Variants in ZDHHC11B observed in about 807,000 individuals in gnomAD.
ZDHHC11B encodes the protein probable palmitoyltransferase ZDHHC11B.
Under a neutral mutation model 42.3 loss-of-function variants are expected in ZDHHC11B, and 17 were observed. That is an observed-to-expected ratio of 0.40 (90% CI 0.27 to 0.60). The LOEUF is 0.60. ZDHHC11B is among the 20% of genes least tolerant of loss of function. ZDHHC11B has a pLI of 0.41. For missense variants in ZDHHC11B, 262 were observed against 463.2 expected, an observed-to-expected ratio of 0.57 and a Z score of 3.99; for synonymous variants, 123 against 193.5, an observed-to-expected ratio of 0.64 and a Z score of 3.02.
At chr5:760,844 G>A (rs556191950) in intron 4 of ZDHHC11B, among the ~76,000 whole-genome samples, 37 of 148,524 alleles carry the variant, frequency 2.5e-4, no homozygotes, top group South Asian at 1.4e-3. Flanking sequence ...GAACCGCTGC[G>A]TCCCCACCTA....
At chr5:726,424 A>C (rs1357043617) in intron 12 of ZDHHC11B, among the ~76,000 whole-genome samples, 1 of 147,616 alleles carries the variant, frequency 6.8e-6, no homozygotes, top group African/African-American at 2.5e-5. Context: ...CGCCTGTTGC[A>C]TCTAGAGGCT....
intron 1 of ZDHHC11B, among the ~76,000 whole-genome samples, chr5:780,884 G>C (rs1360518795): frequency 6.6e-6 from 1 of 151,714 alleles, no homozygotes; most frequent in Non-Finnish European, 1.5e-5. Flanking sequence ...GCGGGGGCCG[G>C]TGTGCGCAGG....
chr5:730,501 T>C, intron 11 of ZDHHC11B, 33 bp from the exon 12 acceptor site: 2 of 1,548,274 alleles, frequency 1.3e-6, no homozygotes, highest in Middle Eastern at 1.7e-4. Context: ...ATTCTTAGGA[T>C]GAACAAAGAC....
rs1371003665 is a variant in ZDHHC11B, at chr5:759,103, GAGTAAGTGTCTCCCTTTCATC to G, written c.223-2980_223-2960del. On this transcript the variant is annotated intron_variant, in intron 4 of 13. Coordinates refer to ENST00000508859, the MANE Select transcript of ZDHHC11B (RefSeq NM_001351303.2). ...TGAGCAATAAAAAGTAAAAGAAGTAGAGTAAGTGTCTCCCTTTCATCACCCAAACTGCCTGCCCTCTGGAAG... is the reference window on the plus strand; with the variant it reads ...TGAGCAATAAAAAGTAAAAGAAGTAGACCCAAACTGCCTGCCCTCTGGAAG... 2.4e-4 allele frequency among the ~76,000 whole-genome samples: 37 copies of G among 152,046 alleles called. 3 individuals are homozygous for G. In the South Asian group the frequency reaches 7.3e-3, roughly 30 times the overall value.
chr5:733,834 T>C lies in ZDHHC11B; in HGVS notation c.941A>G (p.Lys314Arg), dbSNP rs746810837. The C allele has an allele frequency of 3.1e-6, 5 of 1,606,684 alleles. No homozygotes were observed. The South Asian group carries it at 3.3e-5, about 11-fold the overall frequency. ...GALGSSAQGV[K>R]AKSSLLIYKC... Reference sequence around the variant, plus strand: ...GTAAATCAGCAGGGAGCTCTTGGCCTTGACTCTGGTGGGACAGGAAGGAGG... The same window carrying C: ...GTAAATCAGCAGGGAGCTCTTGGCCCTGACTCTGGTGGGACAGGAAGGAGG... Residue 314 changes from lysine (K) to arginine (R), a missense_variant, in exon 11 of 14, where the codon AAG becomes AGG. By Grantham distance (26) the Lys-to-Arg change is conservative. Around this residue, in one of 5 missense-constraint regions of ZDHHC11B, gnomAD observed 75 missense variants for 70.1 expected, o/e 1.07. Transcript: ENST00000508859.
chr5:761,219 A>G (rs868655543), intron 4 of ZDHHC11B, among the ~76,000 whole-genome samples: 1 of 151,780 alleles, frequency 6.6e-6, no homozygotes, highest in African/African-American at 2.4e-5. Context: ...ACAGGAGGAC[A>G]CCCGTGTCTG....
chr5:777,704 C>CT (rs1736643282), intron 1 of ZDHHC11B, among the ~76,000 whole-genome samples: 1 of 150,686 alleles, frequency 6.6e-6, no homozygotes, highest in Admixed American at 6.6e-5. Context: ...ATTGACAAGC[C>CT]TTTAGCTAGA....
chr5:731,043 T>C (rs414655), intron 11 of ZDHHC11B, among the ~76,000 whole-genome samples: 31,537 of 148,254 alleles, frequency 0.21, 2,670 homozygotes, highest in South Asian at 0.33. Flanking sequence ...ACACCTGCTA[T>C]GTGTGCACAC....
intron 11 of ZDHHC11B, chr5:732,127 C>T (rs999020672): frequency 3.2e-5 from 5 of 153,932 alleles, no homozygotes; most frequent in African/African-American, 1.2e-4. Flanking sequence ...GTCTGTGGAG[C>T]TCAGCACAGG....
chr5:723,614 G>A (rs1324615422), intron 12 of ZDHHC11B, among the ~76,000 whole-genome samples: 2 of 110,794 alleles, frequency 1.8e-5, no homozygotes, highest in Middle Eastern at 4.0e-3. Context: ...AGGATCAGAC[G>A]CAGGTCCTGG....
chr5:716,592 T>C (rs1281549090), intron 13 of ZDHHC11B, among the ~76,000 whole-genome samples: 8 of 151,822 alleles, frequency 5.3e-5, no homozygotes, highest in Non-Finnish European at 8.8e-5. Context: ...TAAAGATGAA[T>C]TGATACTCTC....
intron 11 of ZDHHC11B, chr5:732,250 C>T (rs1436865075): frequency 2.4e-5 from 4 of 170,096 alleles, no homozygotes; most frequent in Non-Finnish European, 3.8e-5. Context: ...TGTCCTGGAG[C>T]CCACGGAGAT....
At position 728,959 on chromosome 5, in the gene ZDHHC11B, G is replaced by C. The variant is rs402480; in HGVS notation, c.1058+1475C>G. On this transcript the variant is annotated intron_variant, in intron 12 of 13. Transcript: ENST00000508859. ...ATCCAAGTGGCAAAGGTTGTAGTGA[G>C]CTGAGATTGTGCCACTGCACTGCAG... Among the ~76,000 whole-genome samples, 161 of 151,250 alleles carry C rather than the reference G, an allele frequency of 1.1e-3. 3 individuals are homozygous for C. Among genetic ancestry groups the C allele is most frequent in the East Asian group, 1.4e-3 (7 of 5,142 alleles).
chr5:733,071 T>C (rs1187760972), intron 11 of ZDHHC11B, among the ~76,000 whole-genome samples: 1 of 151,324 alleles, frequency 6.6e-6, no homozygotes, highest in Non-Finnish European at 1.5e-5. Context: ...AAATAAATAA[T>C]GACCCAGCAG....
At chr5:713,608 CT>C (rs879766683) in intron 13 of ZDHHC11B, among the ~76,000 whole-genome samples, 1 of 152,010 alleles carries the variant, frequency 6.6e-6, no homozygotes, top group African/African-American at 2.4e-5. Context: ...TTATGCTTGG[CT>C]CCTGGGAATG....
At chr5:732,475 G>C (rs1743086994) in intron 11 of ZDHHC11B, 3 of 325,520 alleles carry the variant, frequency 9.2e-6, no homozygotes, top group African/African-American at 6.5e-5. Context: ...TGGTGGCTGA[G>C]TCTGGGCGGG....
At chr5:733,303 CCA>C (rs1743185632) in intron 11 of ZDHHC11B, among the ~76,000 whole-genome samples, 1 of 151,732 alleles carries the variant, frequency 6.6e-6, no homozygotes, top group African/African-American at 2.4e-5. Flanking sequence ...GTACGTGTGA[CCA>C]CACACACATC....
rs1224659977 is a variant in ZDHHC11B at position 747,892 on chromosome 5, G to A, written c.784+512C>T. ...GGGGCTGGGGAGTTTACCCTCCGTC[G>A]TTCAGCAACATGACTGACCGCCTAC... is the stretch of plus-strand genomic sequence containing the variant. On this transcript the variant is annotated intron_variant, in intron 8 of 13. Transcript: ENST00000508859. The A allele has an allele frequency of 4.5e-5, 11 of 244,566 alleles. 2 individuals are homozygous for A. Among genetic ancestry groups the A allele is most frequent in the South Asian group, 2.1e-4 (2 of 9,740 alleles). The allele number at this position is 244,566 out of a possible 1,614,324, so 15.1% of individuals were successfully genotyped here.
rs1267693544 is a variant in ZDHHC11B at position 751,778 on chromosome 5, A to G, written c.504-521T>C. ...CAGGTCTCCAGGCCTCTCGCTGGAG[A>G]GGGGTGGCCGTGGGACATTCCCACC... On this transcript the variant is annotated intron_variant, in intron 6 of 13. Coordinates refer to ENST00000508859, the MANE Select transcript of ZDHHC11B (RefSeq NM_001351303.2). Among the ~76,000 whole-genome samples the G allele has an allele frequency of 1.6e-5, 2 of 124,692 alleles. 1 individual carries two copies. The highest frequency in any genetic ancestry group is 3.6e-5 in the Non-Finnish European group (2 of 55,898). 81.8% of individuals were successfully genotyped at this position (124,692 alleles called of 152,430 possible).
Sources: gnomAD v4.1 joint callset for allele counts (sites outside exome capture counted in the v4.1 genomes callset) on GRCh38, gnomAD v4.1.1 for gene constraint, gnomAD v4.1.1 regional missense constraint, MANE v1.5 for transcripts, NCBI Gene and HGNC (gene_info 2026-07-23, HGNC 2026-07-21) for gene names.